The following GUCY1A1 variants were observed in gnomAD, a reference collection of about 807,000 sequenced individuals.
GUCY1A1 encodes the protein guanylate cyclase soluble subunit alpha-1.
In GUCY1A1, 48 loss-of-function variants were observed where a neutral mutation model predicts 64.5. The observed-to-expected ratio is 0.74, with a 90% CI of 0.59 to 0.95. The LOEUF (loss-of-function observed/expected upper bound fraction) is 0.95, where lower values mean the gene tolerates loss of function less well. Among genes scored for constraint, GUCY1A1 ranks in the 40% least tolerant of loss-of-function variants. The pLI, the probability that GUCY1A1 is intolerant of heterozygous loss-of-function variation, is 0.00. For synonymous variants in GUCY1A1, 308 were observed against 303.4 expected (o/e 1.02, Z -0.16); for missense variants, 804 against 825.3 (o/e 0.97, Z 0.32).
Position 155,730,516 on chromosome 4 carries a change from A to G in GUCY1A1, c.*285A>G, listed in dbSNP as rs143280789. 1 of 233,306 alleles carries G rather than the reference A, an allele frequency of 4.3e-6. No individual in the cohort carries two copies. Among genetic ancestry groups the G allele is most frequent in the Middle Eastern group, 1.4e-3 (1 of 704 alleles). 14.5% of individuals were successfully genotyped at this position (233,306 alleles called of 1,614,324 possible). On this transcript the variant is annotated 3_prime_UTR_variant, in exon 10 of 10. Coordinates refer to ENST00000506455, the MANE Select transcript of GUCY1A1 (RefSeq NM_001130682.3). ...GTACTCAAAATTCAGCACCTTGTAC[A>G]TATATCAGATAATTGTAGTCAATTG...
rs1032900042 is a variant in GUCY1A1, at chr4:155,735,075, G to A, written c.*4844G>A. 1 of 151,864 alleles carries A rather than the reference G, an allele frequency of 6.6e-6. No individual in the cohort carries two copies. The highest frequency in any genetic ancestry group is 2.4e-5 in the African/African-American group (1 of 41,360). The allele number at this position is 151,864 out of a possible 1,614,324, so 9.4% of individuals were successfully genotyped here. On this transcript the variant is annotated 3_prime_UTR_variant, in exon 10 of 10. Transcript: ENST00000506455. ...TATATTGATGATGTGCACTCATTCA[G>A]TATTCTTATTTTAAGCTGCAGTAAT...
chr4:155,681,661 A>G (rs1560916818), intron 2 of GUCY1A1, among the ~76,000 whole-genome samples: 2 of 152,034 alleles, frequency 1.3e-5, no homozygotes, highest in South Asian at 4.2e-4. Flanking sequence ...TACTTTTCTA[A>G]TTGCTGCTTC....
chr4:155,720,932 TCATCAAGTAA>T (rs1733885318), intron 8 of GUCY1A1, among the ~76,000 whole-genome samples: 1 of 152,178 alleles, frequency 6.6e-6, no homozygotes, highest in Non-Finnish European at 1.5e-5. Context: ...TCTTTTAAGA[TCATCAAGTAA>T]TCAGACCTTT....
At chr4:155,686,586 A>G (rs1032354439) in intron 2 of GUCY1A1, among the ~76,000 whole-genome samples, 1 of 152,248 alleles carries the variant, frequency 6.6e-6, no homozygotes, top group Non-Finnish European at 1.5e-5. Flanking sequence ...TCATTTCCCA[A>G]TATGGCATTC....
intron 9 of GUCY1A1, among the ~76,000 whole-genome samples, chr4:155,728,085 T>A (rs1734983220): frequency 6.6e-6 from 1 of 151,960 alleles, no homozygotes; most frequent in Non-Finnish European, 1.5e-5. Context: ...CCAGTGAACA[T>A]ATCCATATCC....
rs1735866585 is a variant in GUCY1A1, at chr4:155,734,429, A to T, written c.*4198A>T. Reference sequence around the variant, plus strand: ...AGGTGCATGGGTTTGACCCATGTAAATCATTTTAATAAGTAAAATTGAATC... The same window carrying T: ...AGGTGCATGGGTTTGACCCATGTAATTCATTTTAATAAGTAAAATTGAATC... On this transcript the variant is annotated 3_prime_UTR_variant, in exon 10 of 10. Transcript: ENST00000506455. 6.6e-6 allele frequency: 1 copy of T among 151,974 alleles called. No individual in the cohort carries two copies. Among genetic ancestry groups the T allele is most frequent in the Non-Finnish European group, 1.5e-5 (1 of 67,924 alleles). The allele number at this position is 151,974 out of a possible 1,614,324, so 9.4% of individuals were successfully genotyped here.
At position 155,732,905 on chromosome 4, in the gene GUCY1A1, A is replaced by G. The variant is rs2110827857; in HGVS notation, c.*2674A>G. ...CACTATATAAATTATCTCCTTATACATATTTCTCAGGCAAGCACAGAGTTA... is the reference window on the plus strand; with the variant it reads ...CACTATATAAATTATCTCCTTATACGTATTTCTCAGGCAAGCACAGAGTTA... On this transcript the variant is annotated 3_prime_UTR_variant, in exon 10 of 10. Coordinates refer to ENST00000506455, the MANE Select transcript of GUCY1A1 (RefSeq NM_001130682.3). Among the ~76,000 whole-genome samples the G allele has an allele frequency of 6.6e-6, 1 of 151,958 alleles. No individual in the cohort carries two copies. The highest frequency in any genetic ancestry group is 6.6e-5 in the Admixed American group (1 of 15,228).
At chr4:155,715,819 G>A (rs769766635) in intron 7 of GUCY1A1, among the ~76,000 whole-genome samples, 4 of 151,966 alleles carry the variant, frequency 2.6e-5, no homozygotes, top group African/African-American at 4.8e-5. Context: ...AAACTCAAAG[G>A]GCTTACATAT....
At chr4:155,690,937 A>G (rs1008560662) in intron 2 of GUCY1A1, among the ~76,000 whole-genome samples, 4 of 152,342 alleles carry the variant, frequency 2.6e-5, no homozygotes, top group African/African-American at 9.6e-5. Context: ...AGAAAAATGA[A>G]CAAGTGCATG....
rs187883543 is a variant in GUCY1A1 at position 155,711,446 on chromosome 4, C to T, written c.1086+195C>T. The T allele has an allele frequency of 1.2e-3, 523 of 424,550 alleles. 1 individual carries two copies. Among genetic ancestry groups the T allele is most frequent in the African/African-American group, 9.7e-3 (481 of 49,676 alleles). The allele number at this position is 424,550 out of a possible 1,614,324, so 26.3% of individuals were successfully genotyped here. A position where few individuals can be genotyped will look rare whatever the true frequency, so the allele number is the denominator to read the frequency against. Reference sequence around the variant, plus strand: ...ATTTGTTTGCTTACTTGATTCATTACTCCAAAAATATTTATTGAATGCAGT... The same window carrying T: ...ATTTGTTTGCTTACTTGATTCATTATTCCAAAAATATTTATTGAATGCAGT... On this transcript the variant is annotated intron_variant, in intron 6 of 9. Coordinates refer to ENST00000506455, the MANE Select transcript of GUCY1A1 (RefSeq NM_001130682.3).
At chr4:155,698,880 C>G (rs2126757817) in intron 3 of GUCY1A1, among the ~76,000 whole-genome samples, 1 of 152,194 alleles carries the variant, frequency 6.6e-6, no homozygotes, top group Middle Eastern at 3.4e-3. Flanking sequence ...TTCTTTCATT[C>G]CAGAATTTTT....
Position 155,708,236 on chromosome 4 carries a change from G to A in GUCY1A1, c.318G>A (p.Arg106=). 3 of 1,421,114 alleles carry A rather than the reference G, an allele frequency of 2.1e-6. No homozygotes were observed. The highest frequency in any genetic ancestry group is 3.0e-6 in the Non-Finnish European group (3 of 1,006,512). 88.0% of individuals were successfully genotyped at this position (1,421,114 alleles called of 1,614,324 possible). A position where few individuals can be genotyped will look rare whatever the true frequency, so the allele number is the denominator to read the frequency against. The part of the protein sequence containing the change: ...TLAKHKIKES[R]KSLEREDFEK... ...ACTTAAAATATTGAAATATTTCCAG[G>A]AAATCTTTGGAAAGAGAAGACTTTG... is the stretch of plus-strand genomic sequence containing the variant. Residue 106 remains arginine, a splice_region_variant and synonymous_variant, in exon 5 of 10, where the codon AGG becomes AGA. Coordinates refer to ENST00000506455, the MANE Select transcript of GUCY1A1 (RefSeq NM_001130682.3).
At chr4:155,675,708 G>A (rs189499399) in intron 2 of GUCY1A1, among the ~76,000 whole-genome samples, 2 of 151,610 alleles carry the variant, frequency 1.3e-5, no homozygotes, top group East Asian at 1.9e-4. Flanking sequence ...CAAAAATCCA[G>A]CAGTGGTATG....
intron 3 of GUCY1A1, among the ~76,000 whole-genome samples, chr4:155,700,164 T>A (rs1285537972): frequency 6.6e-6 from 1 of 152,154 alleles, no homozygotes; most frequent in East Asian, 1.9e-4. Context: ...GCATACTGTC[T>A]TGAAGGAGCT....
In GUCY1A1 at chr4:155,666,889, C is replaced by A; in HGVS notation, c.-263C>A. On this transcript the variant is annotated 5_prime_UTR_variant, in exon 1 of 10. Transcript: ENST00000506455. ...AGAGCAGCGAGCAGCCTGGAACAGACCCAGGCGGAGGACACCTGTGGGGGA... is the reference window on the plus strand; with the variant it reads ...AGAGCAGCGAGCAGCCTGGAACAGAACCAGGCGGAGGACACCTGTGGGGGA... 1 of 152,394 alleles carries A rather than the reference C, an allele frequency of 6.6e-6. No homozygotes were observed. The allele number at this position is 152,394 out of a possible 1,614,324, so 9.4% of individuals were successfully genotyped here.
chr4:155,675,002 T>G (rs1463690809), intron 2 of GUCY1A1, among the ~76,000 whole-genome samples: 1 of 151,606 alleles, frequency 6.6e-6, no homozygotes, highest in Non-Finnish European at 1.5e-5. Context: ...GCTATGACAT[T>G]ACAATGGCTA....
At chr4:155,693,413 T>C (rs1730012563) in intron 2 of GUCY1A1, among the ~76,000 whole-genome samples, 1 of 152,126 alleles carries the variant, frequency 6.6e-6, no homozygotes, top group Non-Finnish European at 1.5e-5. Flanking sequence ...ATGTACTGAA[T>C]TCACCCACTG....
intron 2 of GUCY1A1, among the ~76,000 whole-genome samples, chr4:155,682,620 C>G (rs916337162): frequency 4.0e-5 from 6 of 151,212 alleles, no homozygotes; most frequent in African/African-American, 1.5e-4. Context: ...TGCAGTGAGC[C>G]GAGATCATGC....
At position 155,706,925 on chromosome 4, in the gene GUCY1A1, G is replaced by A. The variant is rs777374590; in HGVS notation, c.318-1311G>A. On this transcript the variant is annotated intron_variant, in intron 4 of 9. Coordinates refer to ENST00000506455, the MANE Select transcript of GUCY1A1 (RefSeq NM_001130682.3). ...GCAAAAAAATCTTATCAATAAAAAA[G>A]CATGCTATTACAGTCTCAATTTCTA... Among the ~76,000 whole-genome samples, 25 of 152,122 alleles carry A rather than the reference G, an allele frequency of 1.6e-4. 1 individual carries two copies. The highest frequency in any genetic ancestry group is 1.5e-3 in the Admixed American group (23 of 15,260).
Sources: allele counts gnomAD v4.1 joint callset (sites outside exome capture counted in the v4.1 genomes callset), GRCh38; gene constraint gnomAD v4.1.1; transcripts MANE v1.5; gene names NCBI Gene and HGNC (gene_info 2026-07-23, HGNC 2026-07-21).